Variants in TMEM14A observed in about 807,000 individuals in gnomAD.
The protein encoded by TMEM14A is transmembrane protein 14A.
Under a neutral mutation model 11.6 loss-of-function variants are expected in TMEM14A, and 8 were observed. The ratio of observed to expected loss-of-function variants is 0.69; its 90% CI spans 0.40 to 1.24. TMEM14A has a LOEUF of 1.24. TMEM14A is among the 50% of genes most tolerant of loss of function. The pLI, the probability that TMEM14A is intolerant of heterozygous loss-of-function variation, is 0.01. For synonymous variants in TMEM14A, 34 were observed against 45.5 expected (o/e 0.75, Z 1.02); for missense variants, 108 against 121.9 (o/e 0.89, Z 0.54).
At chr6:52,684,718 A>G (rs1258331017) in intron 4 of TMEM14A, among the ~76,000 whole-genome samples, 1 of 152,226 alleles carries the variant, frequency 6.6e-6, no homozygotes, top group Non-Finnish European at 1.5e-5. Flanking sequence ...CATTTTAAAA[A>G]TTTCTCCAGA....
In TMEM14A at chr6:52,686,573, G is replaced by T. The variant is rs1367306234; in HGVS notation, c.*524G>T. On this transcript the variant is annotated 3_prime_UTR_variant, in exon 5 of 5. Transcript: ENST00000211314. ...GAATGTATTCAGTATTCAAATAAAA[G>T]ACATTTTGGTTCAAACCTGTTTCTT... The T allele has an allele frequency of 5.5e-6, 2 of 366,116 alleles. No homozygotes were observed. The highest frequency in any genetic ancestry group is 4.7e-5 in the Admixed American group (1 of 21,422). 22.7% of individuals were successfully genotyped at this position (366,116 alleles called of 1,614,324 possible).
intron 4 of TMEM14A, among the ~76,000 whole-genome samples, chr6:52,685,051 A>G (rs977641093): frequency 4.6e-5 from 7 of 152,234 alleles, no homozygotes; most frequent in Non-Finnish European, 1.0e-4. Flanking sequence ...AAACAACCAC[A>G]TATAGTGTGA....
At chr6:52,679,103 C>G (rs142479874) in intron 2 of TMEM14A, among the ~76,000 whole-genome samples, 4 of 152,274 alleles carry the variant, frequency 2.6e-5, no homozygotes, top group Admixed American at 2.0e-4. Flanking sequence ...AAATCCTAAA[C>G]TAGACCAGCT....
intron 1 of TMEM14A, among the ~76,000 whole-genome samples, chr6:52,676,657 C>T (rs879257401): frequency 5.9e-5 from 9 of 152,088 alleles, no homozygotes; most frequent in Non-Finnish European, 1.0e-4. Context: ...ACCTGAGACT[C>T]GGTAATTTAT....
intron 2 of TMEM14A, among the ~76,000 whole-genome samples, chr6:52,678,319 ATGTGTGTGTTTGTGTGTGTGTGTG>A (rs1260181831): frequency 8.2e-5 from 11 of 133,796 alleles, no homozygotes; most frequent in Admixed American, 3.1e-4. Flanking sequence ...GAGTGTGTGT[ATGTGTGTGTTTGTGTGTGTGTGTG>A]TGTGTGTGTG....
At chr6:52,678,436 A>G (rs944311187) in intron 2 of TMEM14A, among the ~76,000 whole-genome samples, 3 of 151,908 alleles carry the variant, frequency 2.0e-5, no homozygotes, top group Non-Finnish European at 2.9e-5. Context: ...AACAAATGAA[A>G]TTACATTAGC....
chr6:52,683,935 C>T, intron 3 of TMEM14A, 143 bp from the exon 4 acceptor site: 3 of 779,486 alleles, frequency 3.8e-6, no homozygotes, highest in Non-Finnish European at 6.1e-6. Context: ...TAATAGAGCA[C>T]TTTATCTTTT....
At chr6:52,677,228 C>T in intron 2 of TMEM14A, 56 bp downstream of exon 2, 1 of 1,577,700 alleles carries the variant, frequency 6.3e-7, no homozygotes, top group Non-Finnish European at 8.7e-7. Flanking sequence ...GGAGGTTGTG[C>T]TAGGTCATGT....
At chr6:52,684,598 G>A (rs892276735) in intron 4 of TMEM14A, among the ~76,000 whole-genome samples, 1 of 152,174 alleles carries the variant, frequency 6.6e-6, no homozygotes, top group African/African-American at 2.4e-5. Flanking sequence ...TAAGAGAGAA[G>A]TTTTAATATT....
chr6:52,684,868 A>G (rs1050845919), intron 4 of TMEM14A, among the ~76,000 whole-genome samples: 2 of 152,268 alleles, frequency 1.3e-5, no homozygotes, highest in Admixed American at 1.3e-4. Context: ...GTGAAAACAC[A>G]ATAGACTGAA....
chr6:52,685,382 T>G (rs1581747248), intron 4 of TMEM14A, among the ~76,000 whole-genome samples: 1 of 151,984 alleles, frequency 6.6e-6, no homozygotes, highest in Non-Finnish European at 1.5e-5. Flanking sequence ...TCACTTGAGG[T>G]CAGGAGTTCA....
intron 2 of TMEM14A, among the ~76,000 whole-genome samples, chr6:52,680,593 T>TTATA (rs70977373): frequency 1.0e-4 from 10 of 96,516 alleles, no homozygotes; most frequent in African/African-American, 3.6e-4. Context: ...ATTTATATAT[T>TTATA]TATATATATA....
intron 2 of TMEM14A, among the ~76,000 whole-genome samples, chr6:52,678,448 G>C (rs1769305111): frequency 6.6e-6 from 1 of 152,012 alleles, no homozygotes; most frequent in East Asian, 1.9e-4. Flanking sequence ...TACATTAGCT[G>C]TGAGGTCTCT....
chr6:52,671,390 G>A (rs1203739527), intron 1 of TMEM14A, 145 bp downstream of exon 1: 1 of 152,240 alleles, frequency 6.6e-6, no homozygotes, highest in African/African-American at 2.4e-5. Flanking sequence ...ACCTTGAGGG[G>A]ATTTTGCAGG....
At chr6:52,672,563 T>G (rs1054246631) in intron 1 of TMEM14A, among the ~76,000 whole-genome samples, 1 of 152,156 alleles carries the variant, frequency 6.6e-6, no homozygotes, top group Non-Finnish European at 1.5e-5. Context: ...ACACACCTGC[T>G]GCTGTTCCCA....
Position 52,680,867 on chromosome 6 carries a change from G to A in TMEM14A, c.71-946G>A, listed in dbSNP as rs112322174. Among the ~76,000 whole-genome samples the A allele has an allele frequency of 2.5e-3, 369 of 148,750 alleles. 1 individual carries two copies. Among genetic ancestry groups the A allele is most frequent in the African/African-American group, 8.8e-3 (357 of 40,688 alleles). On this transcript the variant is annotated intron_variant, in intron 2 of 4. Coordinates refer to ENST00000211314, the MANE Select transcript of TMEM14A (RefSeq NM_014051.4). ...TTCAGAATGCTGCTCTGGTGTGTGTGTGTGTGTTGTGTGTGTGTGTTTGTG... is the reference window on the plus strand; with the variant it reads ...TTCAGAATGCTGCTCTGGTGTGTGTATGTGTGTTGTGTGTGTGTGTTTGTG...
chr6:52,673,102 C>G (rs72936888), intron 1 of TMEM14A, among the ~76,000 whole-genome samples: 8,335 of 152,300 alleles, frequency 0.055, 341 homozygotes, highest in South Asian at 0.18. Context: ...CAGGAACACC[C>G]TTCCCTGCAC....
At chr6:52,682,528 C>T (rs556337971) in intron 3 of TMEM14A, among the ~76,000 whole-genome samples, 14 of 150,096 alleles carry the variant, frequency 9.3e-5, no homozygotes, top group African/African-American at 1.7e-4. Context: ...GTGCCTTGGT[C>T]GTGTATGGAA....
chr6:52,682,022 C>T, intron 3 of TMEM14A, 108 bp downstream of exon 3: 1 of 860,662 alleles, frequency 1.2e-6, no homozygotes, highest in Non-Finnish European at 1.8e-6. Flanking sequence ...GGCAAATGGC[C>T]ATATGCATGT....
Sources: gnomAD v4.1 joint callset for allele counts (sites outside exome capture counted in the v4.1 genomes callset) on GRCh38, gnomAD v4.1.1 for gene constraint, MANE v1.5 for transcripts, NCBI Gene and HGNC (gene_info 2026-07-23, HGNC 2026-07-21) for gene names.